Variants in CNTNAP5 observed in about 807,000 individuals in gnomAD.
The protein encoded by CNTNAP5 is contactin-associated protein-like 5.
A neutral mutation model predicts 150.2 loss-of-function variants in CNTNAP5; 72 were observed. The observed-to-expected ratio is 0.48, with a 90% CI of 0.40 to 0.58. The LOEUF (loss-of-function observed/expected upper bound fraction) is 0.58, where lower values mean the gene tolerates loss of function less well. Ranked by LOEUF, CNTNAP5 falls within the 20% of genes least tolerant of loss-of-function variation. The pLI is 0.00. For synonymous variants in CNTNAP5, 672 were observed against 619.8 expected, an observed-to-expected ratio of 1.08 and a Z score of -1.25; for missense variants, 1,636 against 1,626.2, an observed-to-expected ratio of 1.01 and a Z score of -0.10.
At chr2:124,884,043 G>A (rs1429714730) in intron 21 of CNTNAP5, among the ~76,000 whole-genome samples, 1 of 152,018 alleles carries the variant, frequency 6.6e-6, no homozygotes, top group African/African-American at 2.4e-5. Context: ...GTGCATGCAT[G>A]TTCCACTCTG....
At chr2:124,279,518 T>C (rs1236946482) in intron 3 of CNTNAP5, among the ~76,000 whole-genome samples, 1 of 152,082 alleles carries the variant, frequency 6.6e-6, no homozygotes, top group Non-Finnish European at 1.5e-5. Flanking sequence ...TCAAACTTCA[T>C]TCAAACCTCA....
intron 17 of CNTNAP5, among the ~76,000 whole-genome samples, chr2:124,778,900 G>A (rs1303368385): frequency 6.6e-6 from 1 of 152,116 alleles, no homozygotes; most frequent in African/African-American, 2.4e-5. Flanking sequence ...TGGATTCAAA[G>A]CTGCTTCAGT....
intron 12 of CNTNAP5, among the ~76,000 whole-genome samples, chr2:124,621,306 G>T (rs1378797180): frequency 6.6e-6 from 1 of 152,190 alleles, no homozygotes; most frequent in East Asian, 1.9e-4. Context: ...TTTCATGCAT[G>T]TGGATCTGTA....
chr2:124,198,251 A>C (rs886334227), intron 1 of CNTNAP5, among the ~76,000 whole-genome samples: 3 of 151,888 alleles, frequency 2.0e-5, no homozygotes, highest in Non-Finnish European at 1.5e-5. Flanking sequence ...GCCTTCTTTC[A>C]AATCGATTTG....
chr2:124,548,117 A>G (rs1875785), intron 10 of CNTNAP5, among the ~76,000 whole-genome samples: 57,373 of 152,056 alleles, frequency 0.38, 11,114 homozygotes, highest in East Asian at 0.59. Flanking sequence ...AGAGGGGGAA[A>G]AAACATTAAT....
At chr2:124,472,673 G>A (rs190359254) in intron 6 of CNTNAP5, among the ~76,000 whole-genome samples, 9 of 151,644 alleles carry the variant, frequency 5.9e-5, no homozygotes, top group Non-Finnish European at 1.0e-4. Context: ...TAATCAAGTC[G>A]CACAAAGTTT....
At chr2:124,349,458 G>A (rs1689820460) in intron 3 of CNTNAP5, among the ~76,000 whole-genome samples, 1 of 152,156 alleles carries the variant, frequency 6.6e-6, no homozygotes, top group Non-Finnish European at 1.5e-5. Flanking sequence ...TTTCCCGTTT[G>A]TGTAAGTTAT....
At chr2:124,781,051 G>A (rs1681439437) in intron 17 of CNTNAP5, among the ~76,000 whole-genome samples, 1 of 152,370 alleles carries the variant, frequency 6.6e-6, no homozygotes, top group South Asian at 2.1e-4. Context: ...AGGATGGGGA[G>A]TGAGGGACAG....
At chr2:124,630,647 C>T (rs1459412595) in intron 12 of CNTNAP5, among the ~76,000 whole-genome samples, 1 of 152,104 alleles carries the variant, frequency 6.6e-6, no homozygotes, top group Non-Finnish European at 1.5e-5. Context: ...GGAAGCATTC[C>T]CCTTAAAAAC....
chr2:124,272,291 T>C (rs17011251), intron 3 of CNTNAP5, among the ~76,000 whole-genome samples: 2,114 of 152,290 alleles, frequency 0.014, 52 homozygotes, highest in African/African-American at 0.048. Flanking sequence ...TCTGATAAGA[T>C]GGATTGCTTT....
At chr2:124,386,461 G>A (rs1573959290) in intron 3 of CNTNAP5, among the ~76,000 whole-genome samples, 1 of 152,200 alleles carries the variant, frequency 6.6e-6, no homozygotes, top group East Asian at 1.9e-4. Context: ...TAGTGATGTT[G>A]CTACCTCATC....
intron 5 of CNTNAP5, among the ~76,000 whole-genome samples, chr2:124,437,566 C>T (rs1224294187): frequency 6.6e-6 from 1 of 151,964 alleles, no homozygotes; most frequent in African/African-American, 2.4e-5. Flanking sequence ...AAAGAAAAAT[C>T]CAACTCTTAC....
At chr2:124,451,974 G>T (rs926547879) in intron 6 of CNTNAP5, among the ~76,000 whole-genome samples, 1 of 152,102 alleles carries the variant, frequency 6.6e-6, no homozygotes, top group Non-Finnish European at 1.5e-5. Flanking sequence ...ACTGAGAAAA[G>T]GCCATAGGGA....
chr2:124,438,388 G>A (rs73952968), intron 5 of CNTNAP5, among the ~76,000 whole-genome samples: 27,697 of 152,068 alleles, frequency 0.18, 2,954 homozygotes, highest in Non-Finnish European at 0.24. Context: ...GAGATATTAC[G>A]TGACAAGAGA....
At chr2:124,795,834 TAA>T (rs1681833773) in intron 18 of CNTNAP5, among the ~76,000 whole-genome samples, 1 of 152,044 alleles carries the variant, frequency 6.6e-6, no homozygotes, top group Non-Finnish European at 1.5e-5. Context: ...TTGTTTTTTT[TAA>T]AATATGTGTC....
chr2:124,362,440 G>T (rs1376466472), intron 3 of CNTNAP5, among the ~76,000 whole-genome samples: 1 of 152,100 alleles, frequency 6.6e-6, no homozygotes, highest in Admixed American at 6.5e-5. Flanking sequence ...TCACTGTCTA[G>T]CATCTTATCA....
chr2:124,485,612 C>CAAAA (rs576700912), intron 7 of CNTNAP5, among the ~76,000 whole-genome samples: 4,017 of 52,212 alleles, frequency 0.077, 246 homozygotes, highest in Non-Finnish European at 0.087. Flanking sequence ...GACTCTGTCT[C>CAAAA]AAAAAAAAAA....
At chr2:124,077,063 A>G (rs939623680) in intron 1 of CNTNAP5, among the ~76,000 whole-genome samples, 2 of 152,096 alleles carry the variant, frequency 1.3e-5, no homozygotes, top group Non-Finnish European at 2.9e-5. Context: ...GATACATGTA[A>G]AAGTCACGCA....
At chr2:124,305,504 T>C (rs2104650904) in intron 3 of CNTNAP5, among the ~76,000 whole-genome samples, 1 of 152,350 alleles carries the variant, frequency 6.6e-6, no homozygotes, top group South Asian at 2.1e-4. Flanking sequence ...TGTCATTTTT[T>C]TTAGGAGAAA....
Sources: gnomAD v4.1 joint callset for allele counts (sites outside exome capture counted in the v4.1 genomes callset) on GRCh38, gnomAD v4.1.1 for gene constraint, MANE v1.5 for transcripts, NCBI Gene and HGNC (gene_info 2026-07-23, HGNC 2026-07-21) for gene names.